LRRC4C: variants seen among roughly 807,000 people sequenced by gnomAD.
LRRC4C encodes leucine rich repeat containing 4C.
In LRRC4C, 5 loss-of-function variants were observed where a neutral mutation model predicts 33.6. The observed-to-expected ratio is 0.15, with a 90% CI of 0.08 to 0.31. The LOEUF is 0.31. Ranked by LOEUF, LRRC4C falls within the 10% of genes least tolerant of loss-of-function variation. LRRC4C has a pLI of 1.00. For synonymous variants in LRRC4C, 329 were observed against 302.0 expected (o/e 1.09, Z -0.93); for missense variants, 560 against 796.7 (o/e 0.70, Z 3.58).
At chr11:40,959,083 A>T (rs1265780426) in intron 1 of LRRC4C, among the ~76,000 whole-genome samples, 1 of 151,612 alleles carries the variant, frequency 6.6e-6, no homozygotes, top group East Asian at 2.0e-4. Flanking sequence ...AGCTTTGAAA[A>T]TGTATTGAGA....
chr11:40,744,874 G>A (rs989778989), intron 2 of LRRC4C, among the ~76,000 whole-genome samples: 31 of 151,954 alleles, frequency 2.0e-4, no homozygotes, highest in African/African-American at 7.2e-4. Context: ...TCTTATTGAG[G>A]GAAATGACTT....
chr11:40,878,727 C>G (rs2136001558), intron 2 of LRRC4C, among the ~76,000 whole-genome samples: 1 of 152,244 alleles, frequency 6.6e-6, no homozygotes. Context: ...ATTCAAATAC[C>G]TTGATCACTT....
chr11:41,279,004 C>T (rs1949570144), intron 1 of LRRC4C, among the ~76,000 whole-genome samples: 1 of 152,046 alleles, frequency 6.6e-6, no homozygotes, highest in South Asian at 2.1e-4. Context: ...CTAGTCATCC[C>T]CAGTATCTAC....
chr11:41,455,153 G>C (rs991765936), intron 1 of LRRC4C, among the ~76,000 whole-genome samples: 5 of 152,004 alleles, frequency 3.3e-5, no homozygotes, highest in African/African-American at 1.2e-4. Context: ...ACCAAATGCA[G>C]CTCACTGTGA....
intron 3 of LRRC4C, among the ~76,000 whole-genome samples, chr11:40,326,203 C>G (rs1312776080): frequency 7.9e-5 from 12 of 152,064 alleles, no homozygotes; most frequent in Non-Finnish European, 4.4e-5. Flanking sequence ...TCAGTATAAC[C>G]TAGTACTGAG....
intron 3 of LRRC4C, among the ~76,000 whole-genome samples, chr11:40,465,851 G>C (rs1017432752): frequency 6.6e-6 from 1 of 151,926 alleles, no homozygotes; most frequent in African/African-American, 2.4e-5. Context: ...CAACCTCTAT[G>C]GACAACAGTG....
At chr11:40,999,145 T>C (rs1854186431) in intron 1 of LRRC4C, among the ~76,000 whole-genome samples, 1 of 152,092 alleles carries the variant, frequency 6.6e-6, no homozygotes, top group Non-Finnish European at 1.5e-5. Context: ...CTTCTCAGCC[T>C]GATGACACGT....
chr11:40,351,485 G>C (rs531830022), intron 3 of LRRC4C: 2 of 151,978 alleles, frequency 1.3e-5, no homozygotes, highest in Non-Finnish European at 2.9e-5. Context: ...CTGTCCAATA[G>C]CTGAAAGTGG....
At chr11:41,088,611 C>A (rs2135531147) in intron 1 of LRRC4C, among the ~76,000 whole-genome samples, 1 of 152,188 alleles carries the variant, frequency 6.6e-6, no homozygotes, top group East Asian at 1.9e-4. Flanking sequence ...AAGAACCATA[C>A]TCTACTCTCA....
At chr11:40,617,252 G>T (rs1434854398) in intron 3 of LRRC4C, among the ~76,000 whole-genome samples, 1 of 151,728 alleles carries the variant, frequency 6.6e-6, no homozygotes, top group Non-Finnish European at 1.5e-5. Context: ...TAAATAGCAT[G>T]CATTTTATCT....
chr11:41,048,092 C>A (rs1857908424), intron 1 of LRRC4C, among the ~76,000 whole-genome samples: 1 of 152,048 alleles, frequency 6.6e-6, no homozygotes, highest in African/African-American at 2.4e-5. Flanking sequence ...AGAATAAATA[C>A]TTTTTTTACC....
intron 5 of LRRC4C, among the ~76,000 whole-genome samples, chr11:40,186,076 T>G (rs1405536858): frequency 1.3e-5 from 2 of 152,180 alleles, no homozygotes; most frequent in Non-Finnish European, 2.9e-5. Context: ...AGAGAGCTTC[T>G]AGGAAGACGG....
At chr11:40,520,539 G>A (rs1177954593) in intron 3 of LRRC4C, among the ~76,000 whole-genome samples, 2 of 152,154 alleles carry the variant, frequency 1.3e-5, no homozygotes, top group Admixed American at 1.3e-4. Context: ...GGGGCAATTA[G>A]AACACACACA....
chr11:40,707,014 T>C (rs2136541984), intron 2 of LRRC4C, among the ~76,000 whole-genome samples: 1 of 152,296 alleles, frequency 6.6e-6, no homozygotes, highest in South Asian at 2.1e-4. Context: ...CCTCTGTTTG[T>C]CTGTTATAAG....
At chr11:41,252,503 T>C (rs1298116592) in intron 1 of LRRC4C, among the ~76,000 whole-genome samples, 2 of 152,158 alleles carry the variant, frequency 1.3e-5, no homozygotes, top group Non-Finnish European at 2.9e-5. Context: ...AGGAAAACTT[T>C]TTAAAGTTTA....
rs146081663 is a variant in LRRC4C, at chr11:40,447,499, G to A, written c.-269-127778C>T. Among the ~76,000 whole-genome samples, 55 of 152,106 alleles carry A rather than the reference G, an allele frequency of 3.6e-4. 2 individuals carry two copies. The highest frequency in any genetic ancestry group is 1.2e-3 in the African/African-American group (50 of 41,502). On this transcript the variant is annotated intron_variant, in intron 3 of 6. Transcript: ENST00000528697. ...GCATCCACTTAACTTTATATGATAT[G>A]GCTCTCTCAACAATCCAGGGGTCTT...
chr11:40,524,253 G>A (rs1436694221), intron 3 of LRRC4C, among the ~76,000 whole-genome samples: 1 of 152,082 alleles, frequency 6.6e-6, no homozygotes, highest in East Asian at 1.9e-4. Context: ...AATCATTTCT[G>A]TCATTTCAAA....
chr11:40,683,297 T>C (rs1215245535), intron 2 of LRRC4C, among the ~76,000 whole-genome samples: 1 of 148,978 alleles, frequency 6.7e-6, no homozygotes, highest in Non-Finnish European at 1.5e-5. Flanking sequence ...CATACCCACA[T>C]GACACTGTGC....
chr11:40,632,646 G>T (rs983985524), intron 3 of LRRC4C, among the ~76,000 whole-genome samples: 1 of 152,128 alleles, frequency 6.6e-6, no homozygotes, highest in Non-Finnish European at 1.5e-5. Context: ...CTTAGGGAAC[G>T]CTCACAAAAC....
Sources: allele counts gnomAD v4.1 joint callset (sites outside exome capture counted in the v4.1 genomes callset), GRCh38; gene constraint gnomAD v4.1.1; transcripts MANE v1.5; gene names NCBI Gene and HGNC (gene_info 2026-07-23, HGNC 2026-07-21).